Variants in GRIA1 observed in about 807,000 individuals in gnomAD.
GRIA1 encodes glutamate receptor 1.
Under a neutral mutation model 99.2 loss-of-function variants are expected in GRIA1, and 31 were observed. The ratio of observed to expected loss-of-function variants is 0.31; its 90% confidence interval spans 0.23 to 0.42. The LOEUF (loss-of-function observed/expected upper bound fraction) is 0.42. Ranked by LOEUF, GRIA1 falls within the 10% of genes least tolerant of loss-of-function variation. The pLI, the probability that GRIA1 is intolerant of heterozygous loss-of-function variation, is 1.00. For missense variants in GRIA1, 782 were observed against 1,157.5 expected, an observed-to-expected ratio of 0.68 and a Z score of 4.71; for synonymous variants, 438 against 432.4, an observed-to-expected ratio of 1.01 and a Z score of -0.16.
rs116240310 is a variant in GRIA1 at position 153,768,927 on chromosome 5, G to A, written c.2023-1241G>A. Among the ~76,000 whole-genome samples the A allele has an allele frequency of 6.0e-3, 921 of 152,268 alleles. 10 individuals carry two copies. Among genetic ancestry groups the A allele is most frequent in the African/African-American group, 0.021 (880 of 41,550 alleles). On this transcript the variant is annotated intron_variant, in intron 12 of 15. Coordinates refer to ENST00000285900, the MANE Select transcript of GRIA1 (RefSeq NM_000827.4). ...AAAATACATCTACCCTTTGGGAAAAGGTCACCGTTTAGAAACAGTATGCTA... is the reference window on the plus strand; with the variant it reads ...AAAATACATCTACCCTTTGGGAAAAAGTCACCGTTTAGAAACAGTATGCTA...
At chr5:153,558,994 G>T (rs1331546290) in intron 2 of GRIA1, among the ~76,000 whole-genome samples, 1 of 152,080 alleles carries the variant, frequency 6.6e-6, no homozygotes, top group Non-Finnish European at 1.5e-5. Flanking sequence ...CAGGCATTGG[G>T]TTAGGATTGA....
intron 11 of GRIA1, among the ~76,000 whole-genome samples, chr5:153,708,323 C>T (rs1462155965): frequency 6.6e-6 from 1 of 152,120 alleles, no homozygotes; most frequent in Admixed American, 6.5e-5. Context: ...ACTCAGCTGG[C>T]CCCAGAGGGT....
At chr5:153,764,411 T>C (rs748700173) in intron 11 of GRIA1, 23 bp from the exon 12 acceptor site, 2 of 1,591,852 alleles carry the variant, frequency 1.3e-6, no homozygotes, top group South Asian at 2.2e-5. Flanking sequence ...ATGCTGCTGA[T>C]GCCTCTTCCC....
intron 4 of GRIA1, 57 bp downstream of exon 4, chr5:153,650,571 G>A (rs1173370406): frequency 6.5e-7 from 1 of 1,540,542 alleles, no homozygotes; most frequent in African/African-American, 1.4e-5. Context: ...GGAATAGCCA[G>A]ACACACTTTT....
At chr5:153,720,986 G>A (rs1043645930) in intron 11 of GRIA1, among the ~76,000 whole-genome samples, 14 of 152,190 alleles carry the variant, frequency 9.2e-5, no homozygotes, top group South Asian at 2.1e-4. Flanking sequence ...CACGGGTGAT[G>A]CAGATAGGAG....
At chr5:153,564,240 T>C (rs1268789521) in intron 2 of GRIA1, among the ~76,000 whole-genome samples, 2 of 152,166 alleles carry the variant, frequency 1.3e-5, no homozygotes, top group Non-Finnish European at 2.9e-5. Context: ...TATTCAGTCA[T>C]ATGGACTGGG....
chr5:153,659,001 A>C (rs572230830), intron 5 of GRIA1, among the ~76,000 whole-genome samples: 19 of 146,766 alleles, frequency 1.3e-4, no homozygotes, highest in South Asian at 4.3e-4. Flanking sequence ...AACAAACAAA[A>C]AAAAAACCTT....
At chr5:153,586,132 G>A (rs1581271495) in intron 2 of GRIA1, among the ~76,000 whole-genome samples, 4 of 152,148 alleles carry the variant, frequency 2.6e-5, no homozygotes, top group Non-Finnish European at 2.9e-5. Context: ...CACCAGCTCT[G>A]ACATACTTCT....
intron 2 of GRIA1, among the ~76,000 whole-genome samples, chr5:153,549,775 T>C (rs1013943977): frequency 6.6e-6 from 1 of 152,196 alleles, no homozygotes; most frequent in Non-Finnish European, 1.5e-5. Context: ...TCTACTGTTA[T>C]GATGCCCAGG....
At chr5:153,545,376 A>G (rs1331420793) in intron 2 of GRIA1, among the ~76,000 whole-genome samples, 1 of 152,164 alleles carries the variant, frequency 6.6e-6, no homozygotes, top group Non-Finnish European at 1.5e-5. Context: ...GAGTTAAATA[A>G]GACAATTTAT....
chr5:153,553,124 G>T (rs1420197365), intron 2 of GRIA1, among the ~76,000 whole-genome samples: 1 of 152,178 alleles, frequency 6.6e-6, no homozygotes, highest in African/African-American at 2.4e-5. Context: ...GTGGAAAGTA[G>T]TTTTTCCTCT....
intron 12 of GRIA1, among the ~76,000 whole-genome samples, chr5:153,765,543 A>C (rs1340378954): frequency 6.6e-6 from 1 of 152,156 alleles, no homozygotes; most frequent in South Asian, 2.1e-4. Flanking sequence ...ACCTGTAAAC[A>C]TTTATAGATA....
intron 2 of GRIA1, among the ~76,000 whole-genome samples, chr5:153,542,061 C>T (rs571333274): frequency 1.3e-5 from 2 of 151,886 alleles, no homozygotes; most frequent in African/African-American, 2.4e-5. Flanking sequence ...TTCTCTTCAT[C>T]CCAATCTGCT....
At chr5:153,515,427 C>G (rs1289209966) in intron 2 of GRIA1, among the ~76,000 whole-genome samples, 1 of 152,138 alleles carries the variant, frequency 6.6e-6, no homozygotes, top group East Asian at 1.9e-4. Flanking sequence ...CTAAAAGCAT[C>G]AAACTCGTAG....
intron 8 of GRIA1, among the ~76,000 whole-genome samples, chr5:153,697,493 C>T (rs57075100): frequency 0.019 from 2,866 of 152,046 alleles, 79 homozygotes; most frequent in South Asian, 0.059. Flanking sequence ...CCTATATATT[C>T]AATATTGTAA....
intron 2 of GRIA1, among the ~76,000 whole-genome samples, chr5:153,597,566 A>T (rs960210145): frequency 5.9e-5 from 9 of 152,222 alleles, no homozygotes; most frequent in Non-Finnish European, 1.2e-4. Flanking sequence ...ATGATTGAGT[A>T]TTCAGTGAGA....
At chr5:153,674,415 A>T in intron 5 of GRIA1, 85 bp from the exon 6 acceptor site, 1 of 1,468,820 alleles carries the variant, frequency 6.8e-7, no homozygotes, top group South Asian at 1.2e-5. Context: ...GTGGAACTGA[A>T]TGGAAAATCC....
At chr5:153,533,156 C>T (rs1758238166) in intron 2 of GRIA1, among the ~76,000 whole-genome samples, 2 of 152,248 alleles carry the variant, frequency 1.3e-5, no homozygotes, top group South Asian at 4.1e-4. Context: ...CCTTGCAGCT[C>T]CAAAGTTCTG....
chr5:153,651,456 A>T (rs1265245956), intron 4 of GRIA1, among the ~76,000 whole-genome samples: 2 of 152,162 alleles, frequency 1.3e-5, no homozygotes, highest in Admixed American at 6.5e-5. Flanking sequence ...TTTTTTGTAG[A>T]TTCCTTATCT....
Sources: allele counts gnomAD v4.1 joint callset (sites outside exome capture counted in the v4.1 genomes callset), GRCh38; gene constraint gnomAD v4.1.1; transcripts MANE v1.5; gene names NCBI Gene and HGNC (gene_info 2026-07-23, HGNC 2026-07-21).